Variants in COL27A1 observed in about 807,000 individuals in gnomAD.
The protein encoded by COL27A1 is collagen type XXVII alpha 1 chain.
A neutral mutation model predicts 251.3 loss-of-function variants in COL27A1; 106 were observed. The observed-to-expected ratio is 0.42, with a 90% CI of 0.36 to 0.50. The LOEUF is 0.50. Ranked by LOEUF, COL27A1 falls within the 20% of genes least tolerant of loss-of-function variation. The pLI is 0.00. For missense variants in COL27A1, 2,325 were observed against 2,522.8 expected (o/e 0.92, Z 1.68); for synonymous variants, 1,000 against 986.3 (o/e 1.01, Z -0.26).
In COL27A1 at chr9:114,231,146, G is replaced by T. The variant is rs1444706460; in HGVS notation, c.2520+14G>T. The T allele has an allele frequency of 1.2e-6, 2 of 1,612,968 alleles. No homozygotes were observed. The highest frequency in any genetic ancestry group is 1.3e-5 in the African/African-American group (1 of 74,914). ...AAGGGCATGAAGGTAAGCAAGGGAT[G>T]TTCCCCCGATTCAGGCCTTGTCCAA... On this transcript the variant is annotated intron_variant, in intron 15 of 60. Coordinates refer to ENST00000356083, the MANE Select transcript of COL27A1 (RefSeq NM_032888.4).
At chr9:114,265,329 G>C in intron 31 of COL27A1, 93 bp from the exon 32 acceptor site, 3 of 1,350,416 alleles carry the variant, frequency 2.2e-6, no homozygotes, top group Non-Finnish European at 2.1e-6. Context: ...TGGGAGGAGG[G>C]GACCCAAATA....
intron 57 of COL27A1, 97 bp downstream of exon 57, chr9:114,304,770 A>G (rs1279596213): frequency 9.4e-7 from 1 of 1,061,224 alleles, no homozygotes; most frequent in Non-Finnish European, 1.4e-6. Flanking sequence ...TGTGGCCTGC[A>G]TGGAGCATTT....
chr9:114,280,051 C>G (rs1835806791), intron 37 of COL27A1, among the ~76,000 whole-genome samples: 2 of 152,050 alleles, frequency 1.3e-5, no homozygotes, highest in South Asian at 4.2e-4. Flanking sequence ...TTGGAAATAC[C>G]TGATCCGTGT....
At chr9:114,261,659 C>T (rs545235200) in intron 28 of COL27A1, among the ~76,000 whole-genome samples, 1 of 152,338 alleles carries the variant, frequency 6.6e-6, no homozygotes, top group East Asian at 1.9e-4. Flanking sequence ...CACCAGGCCC[C>T]AGTGTGCAGC....
rs564177923 is a variant in COL27A1 at position 114,196,316 on chromosome 9, G to A, written c.2124+304G>A. The stretch of plus-strand genomic sequence containing the variant: ...TCCCAGGGAGGCCACCTTCAAGAAA[G>A]CCTGTGGTGATGGAGTAACCTGTGC... On this transcript the variant is annotated intron_variant, in intron 7 of 60. Transcript: ENST00000356083. 2.0e-5 allele frequency among the ~76,000 whole-genome samples: 3 copies of A among 152,322 alleles called. No homozygotes were observed. The East Asian group carries it at 5.8e-4, about 29-fold the overall frequency.
At chr9:114,162,046 A>T (rs918013599) in intron 1 of COL27A1, among the ~76,000 whole-genome samples, 2 of 152,206 alleles carry the variant, frequency 1.3e-5, no homozygotes, top group Non-Finnish European at 2.9e-5. Flanking sequence ...TACAGCTGAT[A>T]AGTGACAAGG....
chr9:114,311,548 G>GAAAAAAAAAAAAAAAAGAAAAAAAAAAAA lies in COL27A1; in HGVS notation c.*869_*870insGAAAAAAAAAAAAAAAAAAAAAAAAAAAA, dbSNP rs1829448895. Reference sequence around the variant, plus strand: ...AGGAGGAAAAAAGAAAAGAAAAAAGGAAAAAAAAAAAAAAAAAGCAAAACA... The same window carrying GAAAAAAAAAAAAAAAAGAAAAAAAAAAAA: ...AGGAGGAAAAAAGAAAAGAAAAAAGGAAAAAAAAAAAAAAAAGAAAAAAAAAAAAAAAAAAAAAAAAAAAAAGCAAAACA... On this transcript the variant is annotated 3_prime_UTR_variant, in exon 61 of 61. Coordinates refer to ENST00000356083, the MANE Select transcript of COL27A1 (RefSeq NM_032888.4). 1 of 96,226 alleles carries GAAAAAAAAAAAAAAAAGAAAAAAAAAAAA rather than the reference G, an allele frequency of 1.0e-5. No individual in the cohort carries two copies. Among genetic ancestry groups the GAAAAAAAAAAAAAAAAGAAAAAAAAAAAA allele is most frequent in the Non-Finnish European group, 2.4e-5 (1 of 41,948 alleles). The allele number at this position is 96,226 out of a possible 1,614,324, so 6.0% of individuals were successfully genotyped here. A position where few individuals can be genotyped will look rare whatever the true frequency, so the allele number is the denominator to read the frequency against.
At chr9:114,179,875 G>T (rs1407222678) in intron 4 of COL27A1, among the ~76,000 whole-genome samples, 2 of 115,420 alleles carry the variant, frequency 1.7e-5, no homozygotes, top group Admixed American at 1.3e-4. Context: ...GTCTCGCTGT[G>T]TCTCCCAGGC....
rs375070707 is a variant in COL27A1, at chr9:114,240,289, G to A, written c.2781+16G>A. The A allele has an allele frequency of 3.1e-6, 5 of 1,590,308 alleles. No individual in the cohort carries two copies. The highest frequency in any genetic ancestry group is 4.3e-6 in the Non-Finnish European group (5 of 1,167,538). On this transcript the variant is annotated intron_variant, in intron 20 of 60. Coordinates refer to ENST00000356083, the MANE Select transcript of COL27A1 (RefSeq NM_032888.4). Reference sequence around the variant, plus strand: ...AGGCATGAAGGTGAGTACCTGCCCAGGGCAGCTCCAGTTGGAGGAGCAGAC... The same window carrying A: ...AGGCATGAAGGTGAGTACCTGCCCAAGGCAGCTCCAGTTGGAGGAGCAGAC...
chr9:114,277,752 GA>G (rs1835600534), intron 37 of COL27A1, among the ~76,000 whole-genome samples: 1 of 152,228 alleles, frequency 6.6e-6, no homozygotes, highest in Admixed American at 6.5e-5. Flanking sequence ...TCTGCATTAG[GA>G]ACTTGGTCTG....
intron 23 of COL27A1, among the ~76,000 whole-genome samples, chr9:114,244,239 G>A (rs141298246): frequency 6.6e-6 from 1 of 152,140 alleles, no homozygotes; most frequent in Non-Finnish European, 1.5e-5. Flanking sequence ...ATGGCACCCT[G>A]TTTCTTTACG....
At position 114,269,310 on chromosome 9, in the gene COL27A1, T is replaced by G; in HGVS notation, c.3555+16T>G. On this transcript the variant is annotated intron_variant, in intron 35 of 60. Transcript: ENST00000356083. ...TGGGCAACGGGTAAGTTGAAGCAAT[T>G]TATTCTTCCTGAAAGCCCCCAGGGT... 6.2e-7 allele frequency: 1 copy of G among 1,601,874 alleles called. No individual in the cohort carries two copies. Among genetic ancestry groups the G allele is most frequent in the Non-Finnish European group, 8.5e-7 (1 of 1,172,356 alleles).
At chr9:114,218,311 C>G (rs1355555921) in intron 12 of COL27A1, 1 of 161,606 alleles carries the variant, frequency 6.2e-6, no homozygotes. Context: ...GAAACACACA[C>G]ACACCCTCCC....
chr9:114,211,550 C>T (rs916865270), intron 12 of COL27A1, among the ~76,000 whole-genome samples: 4 of 152,280 alleles, frequency 2.6e-5, no homozygotes, highest in Non-Finnish European at 5.9e-5. Flanking sequence ...CCAGCTTTCT[C>T]TATGGCTCCC....
chr9:114,295,561 G>A (rs997894893), intron 49 of COL27A1, among the ~76,000 whole-genome samples: 6 of 152,204 alleles, frequency 3.9e-5, no homozygotes, highest in African/African-American at 1.4e-4. Flanking sequence ...CAGTCATCAC[G>A]AAACTGTGGT....
chr9:114,241,600 C>T (rs1186927748), intron 21 of COL27A1, among the ~76,000 whole-genome samples: 2 of 152,196 alleles, frequency 1.3e-5, no homozygotes, highest in Admixed American at 6.5e-5. Context: ...CTTCTGTCTA[C>T]ACTCACATTA....
chr9:114,306,417 C>T, intron 57 of COL27A1, 103 bp from the exon 58 acceptor site: 1 of 1,207,698 alleles, frequency 8.3e-7, no homozygotes. Flanking sequence ...GACCGTGGAA[C>T]CGAGATACCT....
chr9:114,166,156 C>T (rs1016830886), intron 2 of COL27A1, among the ~76,000 whole-genome samples: 1 of 151,810 alleles, frequency 6.6e-6, no homozygotes, highest in African/African-American at 2.4e-5. Context: ...TCCGTCCATC[C>T]ATCTACCTGT....
rs1389302950 is a variant in COL27A1, at chr9:114,264,984, G to C, written c.3294+16G>C. 2.5e-6 allele frequency: 4 copies of C among 1,612,812 alleles called. No individual in the cohort carries two copies. In the South Asian group the frequency reaches 4.4e-5, roughly 18 times the overall value. On this transcript the variant is annotated intron_variant, in intron 30 of 60. Transcript: ENST00000356083. ...TGGACAGCAGGTATGTCAGGCCAAG[G>C]CCAAGCAGGCCAGCTGCAGGCCCCC...
Sources: allele counts gnomAD v4.1 joint callset (sites outside exome capture counted in the v4.1 genomes callset), GRCh38; gene constraint gnomAD v4.1.1; transcripts MANE v1.5; gene names NCBI Gene and HGNC (gene_info 2026-07-23, HGNC 2026-07-21).